The following PNKD variants were observed in gnomAD, a reference collection of about 807,000 sequenced individuals.
PNKD encodes probable thioesterase PNKD.
In PNKD, 36 loss-of-function variants were observed where a neutral mutation model predicts 45.3. The ratio of observed to expected loss-of-function variants is 0.80; its 90% confidence interval spans 0.61 to 1.05. PNKD has a LOEUF of 1.05. PNKD is among the 50% of genes least tolerant of loss of function. PNKD has a pLI of 0.00. For synonymous variants in PNKD, 197 were observed against 210.1 expected (o/e 0.94, Z 0.54); for missense variants, 511 against 506.6 (o/e 1.01, Z -0.08).
At chr2:218,306,908 C>T (rs1216565673) in intron 2 of PNKD, among the ~76,000 whole-genome samples, 1 of 152,252 alleles carries the variant, frequency 6.6e-6, no homozygotes, top group East Asian at 1.9e-4. Context: ...AGAGTGGTTA[C>T]ATCCCAATAA....
rs1694821213 is a variant in PNKD, at chr2:218,346,118, A to G, written c.*1137A>G. The G allele has an allele frequency of 6.6e-6, 1 of 152,294 alleles. No individual in the cohort carries two copies. The highest frequency in any genetic ancestry group is 2.4e-5 in the African/African-American group (1 of 41,408). The allele number at this position is 152,294 out of a possible 1,614,324, so 9.4% of individuals were successfully genotyped here. A position where few individuals can be genotyped will look rare whatever the true frequency, so the allele number is the denominator to read the frequency against. On this transcript the variant is annotated 3_prime_UTR_variant, in exon 10 of 10. Transcript: ENST00000273077. ...AGTGCATGGCAGCTCTGGGTCCCAG[A>G]CCTGGCCCGACCCCTCTGCTTCACC...
At chr2:218,312,322 A>G (rs1693637941) in intron 2 of PNKD, among the ~76,000 whole-genome samples, 1 of 152,188 alleles carries the variant, frequency 6.6e-6, no homozygotes, top group South Asian at 2.1e-4. Flanking sequence ...GATTTGTACT[A>G]TATAAATATT....
At chr2:218,342,836 A>T (rs1297785702) in intron 7 of PNKD, among the ~76,000 whole-genome samples, 1 of 152,220 alleles carries the variant, frequency 6.6e-6, no homozygotes, top group African/African-American at 2.4e-5. Context: ...CTTGGGCAAC[A>T]TGGTGAAACC....
intron 2 of PNKD, among the ~76,000 whole-genome samples, chr2:218,338,672 C>T (rs1290259859): frequency 2.7e-5 from 4 of 150,542 alleles, no homozygotes; most frequent in African/African-American, 7.3e-5. Flanking sequence ...TTAGTAGAGA[C>T]GGGGTTTCAC....
chr2:218,303,526 C>T (rs927229477), intron 2 of PNKD, among the ~76,000 whole-genome samples: 1 of 151,414 alleles, frequency 6.6e-6, no homozygotes, highest in African/African-American at 2.4e-5. Context: ...CACCAGCCCC[C>T]ACCCTGAGGT....
In PNKD at chr2:218,312,560, TTG is replaced by T. The variant is rs1456930284; in HGVS notation, c.237-27221_237-27220del. ...ACCAACAGGATCTGCCACACCCATG[TTG>T]TTTAAAAAAAAAAAAAAAAGAAAAC... On this transcript the variant is annotated intron_variant, in intron 2 of 9. Transcript: ENST00000273077. Among the ~76,000 whole-genome samples, 452 of 48,502 alleles carry T rather than the reference TTG, an allele frequency of 9.3e-3. 3 individuals are homozygous for T. Among genetic ancestry groups the T allele is most frequent in the African/African-American group, 0.031 (394 of 12,570 alleles). The allele number at this position is 48,502 out of a possible 152,430, so 31.8% of individuals were successfully genotyped here. A position where few individuals can be genotyped will look rare whatever the true frequency, so the allele number is the denominator to read the frequency against.
intron 2 of PNKD, chr2:218,272,577 G>C (rs201563594): frequency 1.9e-6 from 3 of 1,613,746 alleles, no homozygotes; most frequent in Non-Finnish European, 2.5e-6. Flanking sequence ...TAGGGCCATC[G>C]GCTTCCCTTG....
Position 218,345,045 on chromosome 2 carries a change from A to T in PNKD, c.*64A>T, listed in dbSNP as rs1694794846. The T allele has an allele frequency of 1.6e-6, 2 of 1,276,254 alleles. No individual in the cohort carries two copies. Among genetic ancestry groups the T allele is most frequent in the Admixed American group, 2.0e-5 (1 of 49,020 alleles). 79.1% of individuals were successfully genotyped at this position (1,276,254 alleles called of 1,614,324 possible). A position where few individuals can be genotyped will look rare whatever the true frequency, so the allele number is the denominator to read the frequency against. On this transcript the variant is annotated 3_prime_UTR_variant, in exon 10 of 10. Transcript: ENST00000273077. ...GGGAGGCCGCCACCACCAACACCTC[A>T]TCATCCTTCTCATCGCTAACACCAC...
intron 2 of PNKD, chr2:218,275,653 T>C: frequency 6.3e-7 from 1 of 1,597,008 alleles, no homozygotes; most frequent in East Asian, 2.2e-5. Flanking sequence ...AAGTGAGAAC[T>C]CAGGCATCAG....
chr2:218,344,302 A>C (rs557303070), intron 8 of PNKD, among the ~76,000 whole-genome samples, 153 bp from the exon 9 acceptor site: 1 of 152,322 alleles, frequency 6.6e-6, no homozygotes, highest in Admixed American at 6.5e-5. Flanking sequence ...CAGTTAGAGA[A>C]GCAGCTCCTG....
At chr2:218,314,465 C>G (rs936323509) in intron 2 of PNKD, among the ~76,000 whole-genome samples, 1 of 151,628 alleles carries the variant, frequency 6.6e-6, no homozygotes, top group African/African-American at 2.4e-5. Flanking sequence ...TCAAGCGATC[C>G]TCCCACCTTG....
At position 218,344,983 on chromosome 2, in the gene PNKD, G is replaced by A. The variant is rs199958845; in HGVS notation, c.*2G>A. 3 of 1,607,772 alleles carry A rather than the reference G, an allele frequency of 1.9e-6. No homozygotes were observed. Among genetic ancestry groups the A allele is most frequent in the Non-Finnish European group, 2.6e-6 (3 of 1,176,336 alleles). Reference sequence around the variant, plus strand: ...AAGGATATGCACAAGAGCAAGTGATGCCCCCAGCGCCCCCAGCCCAGCCCA... The same window carrying A: ...AAGGATATGCACAAGAGCAAGTGATACCCCCAGCGCCCCCAGCCCAGCCCA... On this transcript the variant is annotated 3_prime_UTR_variant, in exon 10 of 10. Coordinates refer to ENST00000273077, the MANE Select transcript of PNKD (RefSeq NM_015488.5).
intron 2 of PNKD, among the ~76,000 whole-genome samples, chr2:218,318,511 G>A (rs1022709991): frequency 5.9e-5 from 9 of 152,226 alleles, no homozygotes; most frequent in Admixed American, 4.6e-4. Context: ...CAGCTCTCCT[G>A]TGGGCACTGA....
At chr2:218,333,554 T>G (rs887748895) in intron 2 of PNKD, among the ~76,000 whole-genome samples, 1 of 152,210 alleles carries the variant, frequency 6.6e-6, no homozygotes, top group African/African-American at 2.4e-5. Context: ...TTTAGGCACT[T>G]AATCTTCACA....
chr2:218,307,308 T>C (rs540981003), intron 2 of PNKD, among the ~76,000 whole-genome samples: 1 of 152,284 alleles, frequency 6.6e-6, no homozygotes, highest in East Asian at 1.9e-4. Context: ...TTTCTATTAT[T>C]ATTACATTGT....
At chr2:218,293,580 CTTTTTTTTTTTT>C (rs34887009) in intron 2 of PNKD, among the ~76,000 whole-genome samples, 1 of 98,678 alleles carries the variant, frequency 1.0e-5, no homozygotes, top group Non-Finnish European at 1.9e-5. Context: ...ACTGAATGTC[CTTTTTTTTTTTT>C]TTTTTTTTTT....
At chr2:218,334,454 A>G (rs1159926478) in intron 2 of PNKD, among the ~76,000 whole-genome samples, 15 of 152,134 alleles carry the variant, frequency 9.9e-5, no homozygotes, top group Admixed American at 9.8e-4. Flanking sequence ...CCTGGGCAAC[A>G]TTTGAAGAGT....
chr2:218,278,180 C>T (rs1208272626), intron 2 of PNKD: 1 of 623,114 alleles, frequency 1.6e-6, no homozygotes, highest in Non-Finnish European at 2.8e-6. Context: ...GTTGTGGCGC[C>T]AGAAACACCT....
intron 3 of PNKD, 46 bp downstream of exon 3, chr2:218,339,944 AC>A (rs771765543): frequency 9.8e-6 from 11 of 1,118,674 alleles, no homozygotes; most frequent in East Asian, 2.8e-5. Context: ...CTGTGCCCCC[AC>A]CCTCCCCGCC....
Sources: gnomAD v4.1 joint callset for allele counts (sites outside exome capture counted in the v4.1 genomes callset) on GRCh38, gnomAD v4.1.1 for gene constraint, MANE v1.5 for transcripts, NCBI Gene and HGNC (gene_info 2026-07-23, HGNC 2026-07-21) for gene names.